The following IKBKB variants were observed in gnomAD, a reference collection of about 807,000 sequenced individuals.
IKBKB encodes inhibitor of nuclear factor kappa B kinase subunit beta.
In IKBKB, 42 loss-of-function variants were observed where a neutral mutation model predicts 113.6. The ratio of observed to expected loss-of-function variants is 0.37; its 90% CI spans 0.29 to 0.48. The LOEUF is 0.48. IKBKB is among the 20% of genes least tolerant of loss of function. The pLI, the probability that IKBKB is intolerant of heterozygous loss-of-function variation, is 0.99. For missense variants in IKBKB, 673 were observed against 939.7 expected (o/e 0.72, Z 3.71); for synonymous variants, 296 against 361.3 (o/e 0.82, Z 2.05).
rs146070612 is a variant in IKBKB, at chr8:42,299,673, C to T, written c.389-5514C>T. On this transcript the variant is annotated intron_variant, in intron 5 of 21. Transcript: ENST00000520810. ...GCACGTGACCCACAGAACCTACCCG[C>T]CAGCCTCCGTGCGTGATTCCAAACC... 2.2e-4 allele frequency among the ~76,000 whole-genome samples: 34 copies of T among 152,328 alleles called. No homozygotes were observed. In the East Asian group the frequency reaches 6.2e-3, roughly 28 times the overall value.
chr8:42,304,346 C>G (rs913596572), intron 5 of IKBKB, among the ~76,000 whole-genome samples: 10 of 152,238 alleles, frequency 6.6e-5, no homozygotes, highest in African/African-American at 1.7e-4. Context: ...TATTCACCCT[C>G]TCTTGAGGGT....
Position 42,319,266 on chromosome 8 carries a change from G to T in IKBKB, c.1365-4G>T. On this transcript the variant is annotated splice_region_variant and splice_polypyrimidine_tract_variant and intron_variant, in intron 13 of 21. Transcript: ENST00000520810. ...TCCAAGACTGTTCCTTGTGGTCCCT[G>T]CAGGATGAATCTCCTCCGAAACAAC... is the stretch of plus-strand genomic sequence containing the variant. The T allele has an allele frequency of 6.2e-7, 1 of 1,614,014 alleles. No individual in the cohort carries two copies. Among genetic ancestry groups the T allele is most frequent in the Non-Finnish European group, 8.5e-7 (1 of 1,179,938 alleles).
chr8:42,330,014 C>T, intron 21 of IKBKB: 2 of 985,446 alleles, frequency 2.0e-6, no homozygotes, highest in Non-Finnish European at 2.4e-6. Flanking sequence ...ATATCTCTTG[C>T]TGCTCTCCTC....
intron 5 of IKBKB, among the ~76,000 whole-genome samples, chr8:42,303,620 TCA>T (rs1815887407): frequency 6.6e-6 from 1 of 152,066 alleles, no homozygotes; most frequent in Non-Finnish European, 1.5e-5. Context: ...TTCTCCTGCC[TCA>T]GCCTCCCGAG....
intron 21 of IKBKB, 130 bp downstream of exon 21, chr8:42,329,344 A>C: frequency 2.3e-6 from 3 of 1,321,886 alleles, no homozygotes. Flanking sequence ...TTTATTTGTG[A>C]CAGGGTCTCT....
chr8:42,327,330 C>CTCT (rs769735000), intron 20 of IKBKB, among the ~76,000 whole-genome samples: 7 of 105,422 alleles, frequency 6.6e-5, no homozygotes, highest in South Asian at 3.5e-4. Context: ...CTCTCTCTCT[C>CTCT]TTTTTTTTTT....
At position 42,314,361 on chromosome 8, in the gene IKBKB, T is replaced by C. The variant is rs138978376; in HGVS notation, c.732T>C (p.Val244=). Residue 244 remains valine (V), a synonymous_variant, in exon 9 of 22, where the codon GTT becomes GTC. Transcript: ENST00000520810. ...KVRQKSEVDI[V]VSEDLNGTVK... ...GGCAGAAGAGTGAGGTGGACATTGT[T>C]GTTAGCGAAGACTTGAATGGAACGG... 212 of 1,614,166 alleles carry C rather than the reference T, an allele frequency of 1.3e-4. No homozygotes were observed. In the African/African-American group the frequency reaches 2.5e-3, roughly 19 times the overall value.
intron 2 of IKBKB, among the ~76,000 whole-genome samples, chr8:42,274,442 T>TCCCTCCACAACTCCC (rs1808490840): frequency 6.6e-6 from 1 of 152,026 alleles, no homozygotes; most frequent in Non-Finnish European, 1.5e-5. Context: ...TCTCCCTATT[T>TCCCTCCACAACTCCC]CCCTCCACAA....
intron 2 of IKBKB, among the ~76,000 whole-genome samples, chr8:42,282,581 T>C (rs941508439): frequency 6.6e-6 from 1 of 152,178 alleles, no homozygotes. Context: ...GGCGCAGGCC[T>C]AGTCTGGGTT....
intron 7 of IKBKB, among the ~76,000 whole-genome samples, chr8:42,306,852 G>A (rs1331957617): frequency 6.6e-6 from 1 of 152,208 alleles, no homozygotes; most frequent in African/African-American, 2.4e-5. Flanking sequence ...CACTGAGTAG[G>A]GGTCAGAGCT....
intron 2 of IKBKB, among the ~76,000 whole-genome samples, chr8:42,274,407 G>A (rs1219420397): frequency 2.0e-5 from 3 of 151,918 alleles, no homozygotes; most frequent in East Asian, 1.9e-4. Context: ...CCACCTAACC[G>A]TAATTTTGTA....
At chr8:42,318,712 T>C (rs761297277) in intron 13 of IKBKB, 37 bp downstream of exon 13, 1 of 1,557,408 alleles carries the variant, frequency 6.4e-7, no homozygotes, top group South Asian at 1.2e-5. Flanking sequence ...CTTAATTTAT[T>C]TAAAATTCCT....
At chr8:42,291,256 A>T (rs1184988278) in intron 4 of IKBKB, among the ~76,000 whole-genome samples, 2 of 151,978 alleles carry the variant, frequency 1.3e-5, no homozygotes. Context: ...ATCTCGGCTC[A>T]CTGTAACCTC....
intron 8 of IKBKB, 75 bp from the exon 9 acceptor site, chr8:42,314,247 C>A (rs1030714740): frequency 9.5e-7 from 1 of 1,052,200 alleles, no homozygotes; most frequent in African/African-American, 1.6e-5. Flanking sequence ...CTAAAATCAC[C>A]TAATGACGAA....
At position 42,330,902 on chromosome 8, in the gene IKBKB, G is replaced by A; in HGVS notation, c.2206-12G>A. 1 of 1,614,218 alleles carries A rather than the reference G, an allele frequency of 6.2e-7. No individual in the cohort carries two copies. Among genetic ancestry groups the A allele is most frequent in the African/African-American group, 1.3e-5 (1 of 75,062 alleles). ...TGGCTGTTGTTTTTTTAACATGTCT[G>A]TTGACTTTCAGGCCCTAGACTGGAG... On this transcript the variant is annotated splice_polypyrimidine_tract_variant and intron_variant, in intron 21 of 21. Coordinates refer to ENST00000520810, the MANE Select transcript of IKBKB (RefSeq NM_001556.3).
intron 2 of IKBKB, among the ~76,000 whole-genome samples, chr8:42,277,889 C>A (rs1809510457): frequency 1.3e-5 from 2 of 152,284 alleles, no homozygotes; most frequent in Middle Eastern, 3.4e-3. Flanking sequence ...GCTAGGTGCC[C>A]CAAATCATCC....
chr8:42,320,579 G>A (rs535185770), intron 15 of IKBKB, 156 bp from the exon 16 acceptor site: 11 of 596,076 alleles, frequency 1.8e-5, no homozygotes, highest in Admixed American at 9.2e-5. Flanking sequence ...AGATGCAGGC[G>A]CAGCCATTCA....
At chr8:42,326,661 C>T (rs745926978) in intron 20 of IKBKB, among the ~76,000 whole-genome samples, 8 of 152,202 alleles carry the variant, frequency 5.3e-5, no homozygotes, top group Non-Finnish European at 1.2e-4. Context: ...TAAATAACAG[C>T]TTCTCCCTCC....
intron 21 of IKBKB, chr8:42,330,089 A>C (rs1821492403): frequency 1.0e-6 from 1 of 985,292 alleles, no homozygotes; most frequent in Admixed American, 6.2e-5. Context: ...AGGAAGAGGA[A>C]GTCTCATCAG....
Sources: gnomAD v4.1 joint callset for allele counts (sites outside exome capture counted in the v4.1 genomes callset) on GRCh38, gnomAD v4.1.1 for gene constraint, MANE v1.5 for transcripts, NCBI Gene and HGNC (gene_info 2026-07-23, HGNC 2026-07-21) for gene names.